Variants in CPS1 observed in about 807,000 individuals in gnomAD.
The protein encoded by CPS1 is carbamoyl-phosphate synthase 1, also known as carbamoyl-phosphate synthase [ammonia], mitochondrial.
In CPS1, 109 loss-of-function variants were observed where a neutral mutation model predicts 174.6. The observed-to-expected ratio is 0.62, with a 90% CI of 0.53 to 0.73. The LOEUF (loss-of-function observed/expected upper bound fraction) is 0.73, where lower values mean the gene tolerates loss of function less well. Among genes scored for constraint, CPS1 ranks in the 30% least tolerant of loss-of-function variants. The pLI, the probability that CPS1 is intolerant of heterozygous loss-of-function variation, is 0.00. For missense variants in CPS1, 1,689 were observed against 1,821.9 expected, an observed-to-expected ratio of 0.93 and a Z score of 1.33; for synonymous variants, 637 against 632.0, an observed-to-expected ratio of 1.01 and a Z score of -0.12.
chr2:210,517,213 T>C (rs1695705321), intron 1 of CPS1, among the ~76,000 whole-genome samples: 1 of 151,980 alleles, frequency 6.6e-6, no homozygotes, highest in Non-Finnish European at 1.5e-5. Flanking sequence ...TTTAAGTTAG[T>C]CTTGCTGTAA....
At chr2:210,590,662 CT>C in intron 8 of CPS1, 137 bp from the exon 9 acceptor site, 1 of 676,940 alleles carries the variant, frequency 1.5e-6, no homozygotes, top group Non-Finnish European at 2.6e-6. Context: ...CAATTATGTC[CT>C]TTTTTATATT....
chr2:210,660,703 T>A, intron 32 of CPS1, 48 bp downstream of exon 32: 1 of 1,544,464 alleles, frequency 6.5e-7, no homozygotes, highest in South Asian at 1.1e-5. Flanking sequence ...TCTAGTGAAA[T>A]TAAAAGAACA....
rs74996614 is a variant in CPS1, at chr2:210,655,671, T to C, written c.3559-854T>C. Among the ~76,000 whole-genome samples the C allele has an allele frequency of 1.3e-3, 205 of 152,354 alleles. 1 individual carries two copies. Among genetic ancestry groups the C allele is most frequent in the African/African-American group, 4.7e-3 (194 of 41,586 alleles). ...ATTCTATGAGCAGGTACCATTGTTA[T>C]TCTTATCTTATCAGAAACCAAGACT... On this transcript the variant is annotated intron_variant, in intron 29 of 37. Coordinates refer to ENST00000233072, the MANE Select transcript of CPS1 (RefSeq NM_001875.5).
chr2:210,551,850 ATCTG>A (rs1696739934), upstream of CPS1, among the ~76,000 whole-genome samples: 1 of 152,014 alleles, frequency 6.6e-6, no homozygotes, highest in Admixed American at 6.6e-5. Flanking sequence ...ACAACATGAT[ATCTG>A]TCTGTCATTT....
At chr2:210,620,386 TCATGTTC>T (rs1699469873) in intron 21 of CPS1, among the ~76,000 whole-genome samples, 1 of 152,082 alleles carries the variant, frequency 6.6e-6, no homozygotes. Flanking sequence ...TAAACATGTT[TCATGTTC>T]ATGATTACGT....
intron 20 of CPS1, among the ~76,000 whole-genome samples, chr2:210,613,315 A>G (rs1248919996): frequency 1.3e-5 from 2 of 151,960 alleles, no homozygotes; most frequent in Non-Finnish European, 2.9e-5. Context: ...CATCCAATGT[A>G]TATTCTCCTC....
At chr2:210,536,897 A>G (rs1696269507) in intron 1 of CPS1, among the ~76,000 whole-genome samples, 2 of 152,210 alleles carry the variant, frequency 1.3e-5, no homozygotes. Flanking sequence ...AGTACCAGAT[A>G]AATAAACATG....
At position 210,556,750 on chromosome 2, in the gene CPS1, C is replaced by T. The variant is rs144889339; in HGVS notation, c.17C>T (p.Thr6Ile). Residue 6 changes from threonine (T) to isoleucine (I), a missense_variant, in exon 1 of 38, where the codon ACA (threonine) becomes ATA (isoleucine). Transcript: ENST00000233072. MTRIL[T>I]AFKVVRTLKT... ...ATCATCAAAATGACGAGGATTTTGA[C>T]AGCTTTCAAAGTGGTGAGGACACTG... is the stretch of plus-strand genomic sequence containing the variant. The T allele has an allele frequency of 5.0e-6, 8 of 1,612,608 alleles. No homozygotes were observed. The African/African-American group carries it at 9.4e-5, about 19-fold the overall frequency.
At chr2:210,670,106 C>A (rs549563155) in intron 34 of CPS1, among the ~76,000 whole-genome samples, 5 of 152,212 alleles carry the variant, frequency 3.3e-5, no homozygotes, top group Non-Finnish European at 7.4e-5. Context: ...TATTGAAAAT[C>A]TACCTTTCAA....
intron 11 of CPS1, 84 bp downstream of exon 11, chr2:210,593,040 C>A: frequency 8.6e-7 from 1 of 1,168,804 alleles, no homozygotes; most frequent in Non-Finnish European, 1.3e-6. Flanking sequence ...ATAATCACCC[C>A]AGATGATCTT....
At chr2:210,630,894 T>TA (rs891746324) in intron 21 of CPS1, among the ~76,000 whole-genome samples, 1 of 152,082 alleles carries the variant, frequency 6.6e-6, no homozygotes, top group Non-Finnish European at 1.5e-5. Flanking sequence ...AGTGAAGCAG[T>TA]AAAAAACTCA....
Position 210,668,075 on chromosome 2 carries a change from C to CT in CPS1, c.4003-111_4003-110insT, listed in dbSNP as rs1559137228. 6.7e-6 allele frequency: 3 copies of CT among 445,924 alleles called. No homozygotes were observed. The East Asian group carries it at 1.3e-4, about 20-fold the overall frequency. The allele number at this position is 445,924 out of a possible 1,614,324, so 27.6% of individuals were successfully genotyped here. On this transcript the variant is annotated intron_variant, in intron 33 of 37. Transcript: ENST00000233072. ...GTAAAGTACTTTCCATTTGTGCGTG[C>CT]ATGTGTGTGTGTGTGTGTGTGTGTG... is the stretch of plus-strand genomic sequence containing the variant.
chr2:210,599,431 G>A lies in CPS1; in HGVS notation c.1419G>A (p.Glu473=). 1.9e-6 allele frequency: 3 copies of A among 1,612,520 alleles called. No homozygotes were observed. The highest frequency in any genetic ancestry group is 1.1e-5 in the South Asian group (1 of 91,066). The stretch of plus-strand genomic sequence containing the variant: ...ACATTGCATCAGTCCAGACCAATGA[G>A]GTGGGCTTAAAGCAAGCGGATACTG... ...NPNIASVQTN[E]VGLKQADTVY... is the part of the protein sequence containing the mutation. Residue 473 remains glutamate, a synonymous_variant, in exon 14 of 38, where the codon GAG becomes GAA. Transcript: ENST00000233072.
intron 6 of CPS1, among the ~76,000 whole-genome samples, chr2:210,585,412 G>C (rs181212866): frequency 6.6e-6 from 1 of 151,764 alleles, no homozygotes; most frequent in African/African-American, 2.4e-5. Context: ...AAATAGGCAC[G>C]ATCTATTGAG....
intron 4 of CPS1, among the ~76,000 whole-genome samples, chr2:210,578,301 G>A (rs999689380): frequency 7.2e-5 from 11 of 151,880 alleles, no homozygotes; most frequent in Non-Finnish European, 1.5e-4. Flanking sequence ...GTAGAGACGG[G>A]GTTTCACCAT....
chr2:210,640,495 C>G (rs1358603163), intron 24 of CPS1, among the ~76,000 whole-genome samples: 1 of 152,132 alleles, frequency 6.6e-6, no homozygotes, highest in Non-Finnish European at 1.5e-5. Flanking sequence ...TTTCGTTTAC[C>G]TCAAATGCAA....
chr2:210,604,475 G>A (rs1698836978), intron 16 of CPS1, among the ~76,000 whole-genome samples: 2 of 151,782 alleles, frequency 1.3e-5, no homozygotes, highest in Non-Finnish European at 2.9e-5. Flanking sequence ...TTATAATTAT[G>A]CTAATTCATA....
chr2:210,520,987 G>A (rs1023317189), intron 1 of CPS1, among the ~76,000 whole-genome samples: 10 of 151,988 alleles, frequency 6.6e-5, no homozygotes, highest in East Asian at 1.9e-4. Flanking sequence ...TGGATCATGC[G>A]GTGAGTGTAT....
intron 28 of CPS1, among the ~76,000 whole-genome samples, chr2:210,651,924 C>T (rs1700571903): frequency 6.6e-6 from 1 of 152,162 alleles, no homozygotes; most frequent in East Asian, 1.9e-4. Flanking sequence ...TCACATAGGA[C>T]TTCTTTTTGC....
Sources: allele counts gnomAD v4.1 joint callset (sites outside exome capture counted in the v4.1 genomes callset), GRCh38; gene constraint gnomAD v4.1.1; transcripts MANE v1.5; gene names NCBI Gene and HGNC (gene_info 2026-07-23, HGNC 2026-07-21).